Variants in ATG10 observed in about 807,000 individuals in gnomAD.
ATG10 encodes the protein autophagy related 10.
In ATG10, 30 loss-of-function variants were observed where a neutral mutation model predicts 32.1. That is an observed-to-expected ratio of 0.94 (90% CI 0.70 to 1.27). ATG10 has a LOEUF of 1.27. ATG10 is among the 50% of genes most tolerant of loss of function. ATG10 has a pLI of 0.00. For missense variants in ATG10, 233 were observed against 262.3 expected, an observed-to-expected ratio of 0.89 and a Z score of 0.77; for synonymous variants, 87 against 91.5, an observed-to-expected ratio of 0.95 and a Z score of 0.28.
At chr5:82,110,102 A>G (rs575003098) in intron 3 of ATG10, among the ~76,000 whole-genome samples, 1 of 152,140 alleles carries the variant, frequency 6.6e-6, no homozygotes, top group Non-Finnish European at 1.5e-5. Flanking sequence ...TTCCAGCTTC[A>G]TCCATGTCCC....
chr5:82,221,491 GA>G (rs747867017), intron 5 of ATG10, among the ~76,000 whole-genome samples: 2 of 152,090 alleles, frequency 1.3e-5, no homozygotes, highest in African/African-American at 2.4e-5. Context: ...TGATAATTTA[GA>G]AGACACCCAT....
chr5:82,168,386 G>A (rs892544573), intron 4 of ATG10, among the ~76,000 whole-genome samples: 4 of 151,930 alleles, frequency 2.6e-5, no homozygotes, highest in Non-Finnish European at 4.4e-5. Context: ...CTTTTCATTT[G>A]TTCTCAGTCT....
At chr5:82,015,824 A>G (rs1347849033) in intron 2 of ATG10, among the ~76,000 whole-genome samples, 3 of 152,130 alleles carry the variant, frequency 2.0e-5, no homozygotes, top group African/African-American at 7.2e-5. Context: ...TCTTCTCTCA[A>G]CTTGTCAAAG....
At chr5:82,056,429 G>GT (rs375167558) in intron 2 of ATG10, among the ~76,000 whole-genome samples, 52,166 of 125,380 alleles carry the variant, frequency 0.42, 11,727 homozygotes, top group South Asian at 0.46. Flanking sequence ...TGGCTGCCAG[G>GT]TTTTTTTTTT....
intron 2 of ATG10, among the ~76,000 whole-genome samples, chr5:81,993,348 TTTC>T (rs1471744349): frequency 3.8e-4 from 11 of 29,034 alleles, no homozygotes; most frequent in Non-Finnish European, 6.2e-4. Flanking sequence ...TCTTTCTTTC[TTTC>T]TTTCTTTCCT....
chr5:82,147,922 C>T (rs529645253), intron 3 of ATG10: 4 of 152,366 alleles, frequency 2.6e-5, no homozygotes, highest in East Asian at 1.9e-4. Flanking sequence ...GGTGTTGACT[C>T]CTCTTCAAAA....
At chr5:82,167,652 G>C (rs778837836) in intron 4 of ATG10, among the ~76,000 whole-genome samples, 2 of 152,142 alleles carry the variant, frequency 1.3e-5, no homozygotes, top group Non-Finnish European at 2.9e-5. Flanking sequence ...TAGAAAAATA[G>C]AACATCCTGA....
intron 4 of ATG10, among the ~76,000 whole-genome samples, chr5:82,177,675 C>A (rs1744084752): frequency 6.6e-6 from 1 of 152,034 alleles, no homozygotes. Context: ...ACTTTACTTA[C>A]CTTGTGTATA....
At chr5:82,212,173 A>G (rs942456265) in intron 5 of ATG10, among the ~76,000 whole-genome samples, 1 of 152,224 alleles carries the variant, frequency 6.6e-6, no homozygotes, top group Non-Finnish European at 1.5e-5. Flanking sequence ...GAGAATAGAT[A>G]TAATCAGAAG....
intron 2 of ATG10, among the ~76,000 whole-genome samples, chr5:81,993,336 C>CTTTCTTTCTTTCT (rs1554039309): frequency 1.3e-5 from 1 of 77,674 alleles, no homozygotes; most frequent in Non-Finnish European, 2.4e-5. Flanking sequence ...TCCTTCCTTC[C>CTTTCTTTCTTTCT]TTCTTTCTTT....
chr5:81,998,701 G>C (rs770085965), intron 2 of ATG10, among the ~76,000 whole-genome samples: 2 of 151,878 alleles, frequency 1.3e-5, no homozygotes, highest in Admixed American at 1.3e-4. Flanking sequence ...AAAATCTACC[G>C]AGAAAATGGA....
intron 2 of ATG10, among the ~76,000 whole-genome samples, chr5:82,018,749 A>G (rs1581603959): frequency 6.6e-6 from 1 of 151,946 alleles, no homozygotes; most frequent in African/African-American, 2.4e-5. Context: ...CTCACATGCC[A>G]CCTCCTTAAT....
intron 5 of ATG10, among the ~76,000 whole-genome samples, chr5:82,237,202 A>G (rs1746593925): frequency 6.6e-6 from 1 of 152,190 alleles, no homozygotes; most frequent in Non-Finnish European, 1.5e-5. Context: ...TACCTAAAAG[A>G]TGGAAGTTGG....
chr5:82,069,456 A>G (rs1042106928), intron 3 of ATG10, among the ~76,000 whole-genome samples: 2 of 152,198 alleles, frequency 1.3e-5, no homozygotes, highest in Non-Finnish European at 2.9e-5. Flanking sequence ...AAAAATGCAG[A>G]TGAATTATTT....
intron 3 of ATG10, among the ~76,000 whole-genome samples, chr5:82,098,402 C>T (rs1016694331): frequency 6.7e-6 from 1 of 149,956 alleles, no homozygotes; most frequent in Non-Finnish European, 1.5e-5. Flanking sequence ...ACCTCCGCCT[C>T]CTGGGTTCAA....
intron 5 of ATG10, among the ~76,000 whole-genome samples, chr5:82,203,992 T>G (rs937457566): frequency 1.1e-4 from 17 of 152,182 alleles, no homozygotes; most frequent in Non-Finnish European, 2.5e-4. Context: ...GGAGCTTATA[T>G]TCTAGTGGGG....
intron 5 of ATG10, among the ~76,000 whole-genome samples, chr5:82,192,479 T>C (rs1744701424): frequency 6.6e-6 from 1 of 152,192 alleles, no homozygotes; most frequent in Admixed American, 6.5e-5. Flanking sequence ...GGGGTTGGGC[T>C]CTGGAGTCAG....
At chr5:82,131,317 T>C (rs1326527537) in intron 3 of ATG10, among the ~76,000 whole-genome samples, 2 of 152,182 alleles carry the variant, frequency 1.3e-5, no homozygotes, top group Non-Finnish European at 2.9e-5. Context: ...TGGCATGTTA[T>C]GTAGGAAATT....
intron 2 of ATG10, among the ~76,000 whole-genome samples, chr5:82,031,142 A>G (rs1045212032): frequency 6.6e-5 from 10 of 152,288 alleles, no homozygotes; most frequent in Non-Finnish European, 1.3e-4. Flanking sequence ...ATCTCAACCA[A>G]ATCATTTAGA....
Sources: gnomAD v4.1 joint callset for allele counts (sites outside exome capture counted in the v4.1 genomes callset) on GRCh38, gnomAD v4.1.1 for gene constraint, MANE v1.5 for transcripts, NCBI Gene and HGNC (gene_info 2026-07-23, HGNC 2026-07-21) for gene names.